Variants in FUT8 observed in about 807,000 individuals in gnomAD.
FUT8 encodes fucosyltransferase 8, also known as alpha-(1,6)-fucosyltransferase.
Under a neutral mutation model 71.3 loss-of-function variants are expected in FUT8, and 29 were observed. That is an observed-to-expected ratio of 0.41 (90% CI 0.30 to 0.55). The LOEUF (loss-of-function observed/expected upper bound fraction) is 0.55. FUT8 is among the 20% of genes least tolerant of loss of function. The pLI, the probability that FUT8 is intolerant of heterozygous loss-of-function variation, is 0.34. For missense variants in FUT8, 544 were observed against 702.1 expected (o/e 0.77, Z 2.55); for synonymous variants, 254 against 239.3 (o/e 1.06, Z -0.57).
intron 2 of FUT8, among the ~76,000 whole-genome samples, chr14:65,534,532 G>A (rs59970730): frequency 0.061 from 9,097 of 148,044 alleles, 484 homozygotes; most frequent in South Asian, 0.19. Flanking sequence ...TAATCTGTCT[G>A]GTTCAGGGCT....
chr14:65,640,386 G>A (rs1209127957), intron 6 of FUT8, among the ~76,000 whole-genome samples: 1 of 151,946 alleles, frequency 6.6e-6, no homozygotes, highest in Non-Finnish European at 1.5e-5. Context: ...CCAGCTAACA[G>A]CTTCTATTTC....
intron 2 of FUT8, among the ~76,000 whole-genome samples, chr14:65,499,848 A>T (rs1194594523): frequency 1.3e-5 from 2 of 151,870 alleles, no homozygotes; most frequent in African/African-American, 4.8e-5. Flanking sequence ...AGCAAATAGT[A>T]TGTGTTGAAT....
At chr14:65,535,230 G>C (rs1477426795) in intron 2 of FUT8, among the ~76,000 whole-genome samples, 1 of 151,946 alleles carries the variant, frequency 6.6e-6, no homozygotes, top group Non-Finnish European at 1.5e-5. Context: ...GTCATGAGTA[G>C]CTAGGATTAC....
upstream of FUT8, among the ~76,000 whole-genome samples, chr14:65,407,786 A>T (rs2065093374): frequency 2.0e-5 from 3 of 152,244 alleles, no homozygotes; most frequent in South Asian, 4.1e-4. Context: ...ACCACAGCTC[A>T]ATCAAATCTG....
At chr14:65,474,971 G>A (rs1467347075) in intron 2 of FUT8, among the ~76,000 whole-genome samples, 1 of 152,174 alleles carries the variant, frequency 6.6e-6, no homozygotes, top group Non-Finnish European at 1.5e-5. Flanking sequence ...TTATAGGTGT[G>A]AGCCACCGCA....
At chr14:65,359,908 C>T in the FUT8 span, among the ~76,000 whole-genome samples, 35 of 152,282 alleles carry the variant, frequency 2.3e-4, no homozygotes, top group South Asian at 5.6e-3. Flanking sequence ...TCATCGCAAT[C>T]TCCGCCTCCC....
chr14:65,715,473 G>T (rs960307824), intron 7 of FUT8, among the ~76,000 whole-genome samples: 2 of 152,114 alleles, frequency 1.3e-5, no homozygotes, highest in Non-Finnish European at 2.9e-5. Flanking sequence ...TTTCTGCTCT[G>T]ATCTTTATTC....
rs1315767759 is a variant in FUT8, at chr14:65,550,983, G to A, written c.-227-10354G>A. ...AAAATGCATCTTAGCATAAATTTTTGCATGTGGAATTTCTTGTCAAAGGGC... is the reference window on the plus strand; with the variant it reads ...AAAATGCATCTTAGCATAAATTTTTACATGTGGAATTTCTTGTCAAAGGGC... On this transcript the variant is annotated intron_variant, in intron 2 of 10. Transcript: ENST00000673929. This position sits in a 1 kb window ranked among gnomAD's most constrained non-coding sequence, Gnocchi z 4.5. 6.6e-6 allele frequency among the ~76,000 whole-genome samples: 1 copy of A among 152,094 alleles called. No individual in the cohort carries two copies. The highest frequency in any genetic ancestry group is 1.5e-5 in the Non-Finnish European group (1 of 68,004).
At chr14:65,362,961 C>CAA in the FUT8 span, among the ~76,000 whole-genome samples, 5 of 69,344 alleles carry the variant, frequency 7.2e-5, no homozygotes, top group African/African-American at 2.8e-4. Context: ...GACTCTGTTT[C>CAA]AAAAAAAAAA....
intron 1 of FUT8, among the ~76,000 whole-genome samples, chr14:65,432,524 A>G (rs1004072921): frequency 6.6e-6 from 1 of 151,984 alleles, no homozygotes; most frequent in African/African-American, 2.4e-5. Flanking sequence ...GAGCAATTGC[A>G]TCTTAAACAG....
intron 6 of FUT8, among the ~76,000 whole-genome samples, chr14:65,640,852 A>G (rs1391199376): frequency 1.3e-5 from 2 of 152,166 alleles, no homozygotes; most frequent in African/African-American, 4.8e-5. Flanking sequence ...GAATAAATTA[A>G]AAACCTAACT....
rs80233048 is a variant in FUT8, at chr14:65,685,122, A to T, written c.835+15642A>T. ...ATTTAGGCTAGTGACTACCAGAAAG[A>T]AATAGGAAGATAAAAGCTCACACTT... is the stretch of plus-strand genomic sequence containing the variant. On this transcript the variant is annotated intron_variant, in intron 7 of 10. Coordinates refer to ENST00000673929, the MANE Select transcript of FUT8 (RefSeq NM_001371533.1). Among the ~76,000 whole-genome samples the T allele has an allele frequency of 5.8e-3, 877 of 152,312 alleles. 31 individuals carry two copies. In the East Asian group the frequency reaches 0.094, roughly 16 times the overall value.
At chr14:65,741,232 T>C (rs113175662) in intron 10 of FUT8, among the ~76,000 whole-genome samples, 193 of 152,006 alleles carry the variant, frequency 1.3e-3, no homozygotes, top group African/African-American at 4.4e-3. Context: ...ACCTTTTAAG[T>C]AGCCTTAAAA....
In FUT8 at chr14:65,634,372, C is replaced by A. The variant is rs187372198; in HGVS notation, c.597+4766C>A. ...AACAGATGCTTGAAGGCAACATGCTCGTTAAGAGTCATCACCACTCCCTAA... is the reference window on the plus strand; with the variant it reads ...AACAGATGCTTGAAGGCAACATGCTAGTTAAGAGTCATCACCACTCCCTAA... On this transcript the variant is annotated intron_variant, in intron 6 of 10. Transcript: ENST00000673929. Among the ~76,000 whole-genome samples, 369 of 152,050 alleles carry A rather than the reference C, an allele frequency of 2.4e-3. 2 individuals are homozygous for A. The highest frequency in any genetic ancestry group is 8.5e-3 in the African/African-American group (352 of 41,468).
chr14:65,540,373 T>A (rs1884604528), intron 2 of FUT8, among the ~76,000 whole-genome samples: 1 of 152,194 alleles, frequency 6.6e-6, no homozygotes, highest in South Asian at 2.1e-4. Flanking sequence ...TGTGTGTACT[T>A]CTAAAAGACA....
rs144589039 is a variant in FUT8 at position 65,507,981 on chromosome 14, C to T, written c.-228+52263C>T. Among the ~76,000 whole-genome samples the T allele has an allele frequency of 2.0e-5, 3 of 151,826 alleles. 1 individual carries two copies. The highest frequency in any genetic ancestry group is 3.9e-4 in the East Asian group (2 of 5,180). On this transcript the variant is annotated intron_variant, in intron 2 of 10. Coordinates refer to ENST00000673929, the MANE Select transcript of FUT8 (RefSeq NM_001371533.1). ...CCAGCATTGATTATTGCTTGTCTTT[C>T]GGATAAAAGCCATTTTAACTGGAGT... is the stretch of plus-strand genomic sequence containing the variant.
chr14:65,580,991 A>G (rs938753793), intron 3 of FUT8, among the ~76,000 whole-genome samples: 15 of 152,140 alleles, frequency 9.9e-5, no homozygotes, highest in African/African-American at 3.4e-4. Flanking sequence ...GGTATTTCAC[A>G]TAAGTTAATT....
chr14:65,565,855 TA>T (rs1302107087), intron 3 of FUT8, among the ~76,000 whole-genome samples: 8 of 151,834 alleles, frequency 5.3e-5, no homozygotes, highest in African/African-American at 1.9e-4. Context: ...TTGTCTATTT[TA>T]AAAAATCAAA....
the FUT8 span, among the ~76,000 whole-genome samples, chr14:65,401,389 A>G: frequency 1.3e-5 from 2 of 152,210 alleles, no homozygotes; most frequent in Non-Finnish European, 2.9e-5. Flanking sequence ...ACCACCTTGA[A>G]GTAGTTTGGA....
Sources: gnomAD v4.1 joint callset for allele counts (sites outside exome capture counted in the v4.1 genomes callset) on GRCh38, gnomAD v4.1.1 for gene constraint, Gnocchi (gnomAD v3.1) non-coding constraint, MANE v1.5 for transcripts, NCBI Gene and HGNC (gene_info 2026-07-23, HGNC 2026-07-21) for gene names.